The following KIAA1217 variants were observed in gnomAD, a reference collection of about 807,000 sequenced individuals.
The protein encoded by KIAA1217 is sickle tail protein homolog.
KIAA1217 carries 88 observed loss-of-function variants against 163.9 expected under a neutral mutation model. The observed-to-expected ratio is 0.54, with a 90% CI of 0.45 to 0.64. The LOEUF is 0.64. Ranked by LOEUF, KIAA1217 falls within the 30% of genes least tolerant of loss-of-function variation. The pLI, the probability that KIAA1217 is intolerant of heterozygous loss-of-function variation, is 0.00. For synonymous variants in KIAA1217, 903 were observed against 923.1 expected (o/e 0.98, Z 0.39); for missense variants, 2,372 against 2,475.0 (o/e 0.96, Z 0.88).
At chr10:24,307,640 G>T (rs1482042181) in intron 2 of KIAA1217, among the ~76,000 whole-genome samples, 1 of 151,866 alleles carries the variant, frequency 6.6e-6, no homozygotes, top group Non-Finnish European at 1.5e-5. Context: ...TATTAGCCAG[G>T]CATAGTGGCA....
chr10:24,059,185 AT>A (rs2060629857), intron 2 of KIAA1217, among the ~76,000 whole-genome samples: 1 of 152,002 alleles, frequency 6.6e-6, no homozygotes, highest in African/African-American at 2.4e-5. Flanking sequence ...ACATTAATTT[AT>A]TTTTGTATGC....
At chr10:24,428,161 T>C (rs2131681100) in intron 3 of KIAA1217, among the ~76,000 whole-genome samples, 1 of 152,322 alleles carries the variant, frequency 6.6e-6, no homozygotes. Flanking sequence ...GCTGTGATAC[T>C]TAACTGTAGG....
intron 1 of KIAA1217, among the ~76,000 whole-genome samples, chr10:23,934,591 GTATA>G (rs1284125761): frequency 3.6e-5 from 1 of 27,996 alleles, no homozygotes; most frequent in African/African-American, 3.6e-4. Context: ...ATATATATAT[GTATA>G]TATATATATA....
intron 1 of KIAA1217, among the ~76,000 whole-genome samples, chr10:23,741,497 A>T (rs1839112188): frequency 6.6e-6 from 1 of 152,166 alleles, no homozygotes. Context: ...AAATAAAGAG[A>T]CTACAAGTAG....
intron 2 of KIAA1217, among the ~76,000 whole-genome samples, chr10:24,049,873 G>A (rs1298909424): frequency 6.6e-6 from 1 of 152,110 alleles, no homozygotes; most frequent in Non-Finnish European, 1.5e-5. Context: ...GATCCTTGAG[G>A]AATCGCCACA....
chr10:23,804,005 A>G (rs1369088093), intron 1 of KIAA1217, among the ~76,000 whole-genome samples: 1 of 152,260 alleles, frequency 6.6e-6, no homozygotes, highest in Non-Finnish European at 1.5e-5. Flanking sequence ...GGAAAAATAT[A>G]GACCTAAAAT....
chr10:24,532,375 T>C (rs558353897), intron 15 of KIAA1217, among the ~76,000 whole-genome samples: 24 of 152,332 alleles, frequency 1.6e-4, no homozygotes, highest in Admixed American at 8.5e-4. Context: ...AGCTTTAAAT[T>C]CCACTTAACT....
chr10:24,175,263 C>T (rs1210493461), intron 2 of KIAA1217, among the ~76,000 whole-genome samples: 3 of 152,180 alleles, frequency 2.0e-5, no homozygotes, highest in Non-Finnish European at 4.4e-5. Flanking sequence ...TAGTTTAGCT[C>T]CTTATAGTTT....
chr10:24,306,436 C>T (rs2042011940), intron 2 of KIAA1217, among the ~76,000 whole-genome samples: 1 of 152,166 alleles, frequency 6.6e-6, no homozygotes, highest in Non-Finnish European at 1.5e-5. Context: ...CTACTCTTAC[C>T]AGCAATAGGG....
chr10:24,245,263 A>G (rs1163743942), intron 2 of KIAA1217, among the ~76,000 whole-genome samples: 1 of 152,178 alleles, frequency 6.6e-6, no homozygotes, highest in African/African-American at 2.4e-5. Flanking sequence ...GTAAACGCAC[A>G]TGATCATGCT....
intron 2 of KIAA1217, among the ~76,000 whole-genome samples, chr10:24,338,508 G>A (rs2046675704): frequency 6.6e-6 from 1 of 152,200 alleles, no homozygotes; most frequent in Non-Finnish European, 1.5e-5. Context: ...AGCACCTCAT[G>A]AAATTATTCA....
intron 1 of KIAA1217, among the ~76,000 whole-genome samples, chr10:23,928,950 CT>C (rs543700353): frequency 1.2e-3 from 183 of 152,274 alleles, no homozygotes; most frequent in African/African-American, 4.4e-3. Flanking sequence ...GACAAGTCAA[CT>C]ATGCAAAGGT....
intron 3 of KIAA1217, among the ~76,000 whole-genome samples, chr10:24,387,540 G>C (rs74482058): frequency 1.2e-3 from 187 of 152,288 alleles, no homozygotes; most frequent in African/African-American, 4.3e-3. Context: ...CATAGTGTTG[G>C]AAGTTCTGGC....
chr10:24,209,539 C>G (rs1049640993), intron 1 of KIAA1217, among the ~76,000 whole-genome samples: 3 of 152,172 alleles, frequency 2.0e-5, no homozygotes, highest in African/African-American at 7.2e-5. Context: ...AGCTGTATCT[C>G]TAAGCAATGA....
intron 1 of KIAA1217, among the ~76,000 whole-genome samples, chr10:23,946,234 T>A (rs1564555625): frequency 7.0e-6 from 1 of 142,660 alleles, no homozygotes; most frequent in Admixed American, 7.3e-5. Context: ...GGAAAATCCA[T>A]GCATGCTGTG....
intron 1 of KIAA1217, among the ~76,000 whole-genome samples, chr10:23,731,136 G>T (rs1838454262): frequency 6.6e-6 from 1 of 152,080 alleles, no homozygotes; most frequent in Non-Finnish European, 1.5e-5. Flanking sequence ...CTGCAGGATG[G>T]CCATCCTGAC....
In KIAA1217 at chr10:23,884,026, T is replaced by C. The variant is rs112041254; in HGVS notation, c.-320-123199T>C. On this transcript the variant is annotated intron_variant, in intron 1 of 18. Coordinates refer to the KIAA1217 transcript ENST00000376462. ...TTCGCCTACTGAAAGGCATCTTAGTTGTTTCCAAGTTTTGGCAATTATAAA... is the reference window on the plus strand; with the variant it reads ...TTCGCCTACTGAAAGGCATCTTAGTCGTTTCCAAGTTTTGGCAATTATAAA... Among the ~76,000 whole-genome samples the C allele has an allele frequency of 4.0e-3, 606 of 152,108 alleles. 1 individual carries two copies. The highest frequency in any genetic ancestry group is 0.014 in the African/African-American group (577 of 41,558).
intron 9 of KIAA1217, among the ~76,000 whole-genome samples, chr10:24,509,176 C>T (rs2068760928): frequency 1.3e-5 from 2 of 152,204 alleles, no homozygotes; most frequent in Admixed American, 1.3e-4. Context: ...TGGTGATCCA[C>T]ATCATATCTT....
chr10:24,342,161 G>C (rs1395664687), intron 2 of KIAA1217, among the ~76,000 whole-genome samples: 1 of 152,180 alleles, frequency 6.6e-6, no homozygotes, highest in Admixed American at 6.5e-5. Flanking sequence ...TGGTCACAGA[G>C]AGCAACAGTC....
Sources: gnomAD v4.1 joint callset for allele counts (sites outside exome capture counted in the v4.1 genomes callset) on GRCh38, gnomAD v4.1.1 for gene constraint, MANE v1.5 for transcripts, NCBI Gene and HGNC (gene_info 2026-07-23, HGNC 2026-07-21) for gene names.